Variants in RBFOX1 observed in about 807,000 individuals in gnomAD.
RBFOX1 encodes RNA binding fox-1 homolog 1.
In RBFOX1, 8 loss-of-function variants were observed where a neutral mutation model predicts 57.7. That is an observed-to-expected ratio of 0.14 (90% CI 0.08 to 0.25). RBFOX1 has a LOEUF of 0.25. Ranked by LOEUF, RBFOX1 falls within the 10% of genes least tolerant of loss-of-function variation. The pLI is 1.00. For missense variants in RBFOX1, 611 were observed against 548.5 expected (o/e 1.11, Z -1.14); for synonymous variants, 326 against 222.4 (o/e 1.47, Z -4.15).
chr16:7,430,919 T>C (rs1274656049), intron 4 of RBFOX1, among the ~76,000 whole-genome samples: 2 of 152,220 alleles, frequency 1.3e-5, no homozygotes, highest in African/African-American at 4.8e-5. Flanking sequence ...CGTAGGGATA[T>C]GCCAAAGAAT....
At chr16:5,988,338 G>C (rs548173830) in intron 4 of RBFOX1, among the ~76,000 whole-genome samples, 1 of 152,306 alleles carries the variant, frequency 6.6e-6, no homozygotes. Flanking sequence ...GCAATAAGGA[G>C]TTGGACACAG....
chr16:6,886,825 A>G (rs2064161955), intron 3 of RBFOX1, among the ~76,000 whole-genome samples: 1 of 152,084 alleles, frequency 6.6e-6, no homozygotes, highest in Non-Finnish European at 1.5e-5. Context: ...ATGTGAAGAA[A>G]CGTTTGCTTT....
intron 2 of RBFOX1, among the ~76,000 whole-genome samples, chr16:6,389,994 G>A (rs756043555): frequency 5.3e-5 from 8 of 152,100 alleles, no homozygotes; most frequent in South Asian, 4.1e-4. Flanking sequence ...TAGGAAGGCC[G>A]GGGAAACTGT....
At chr16:6,814,136 C>G (rs991382725) in intron 3 of RBFOX1, among the ~76,000 whole-genome samples, 6 of 152,094 alleles carry the variant, frequency 3.9e-5, no homozygotes, top group African/African-American at 1.2e-4. Context: ...ATTTAAAACT[C>G]CTAGAACAAC....
In RBFOX1 at chr16:6,373,810, A is replaced by C. The variant is rs558949979; in HGVS notation, c.-64+56753A>C. Among the ~76,000 whole-genome samples, 23 of 152,240 alleles carry C rather than the reference A, an allele frequency of 1.5e-4. 2 individuals are homozygous for C. Among genetic ancestry groups the C allele is most frequent in the East Asian group, 1.3e-3 (7 of 5,186 alleles). ...GTGTGGGATGTGGTCTGCATGTCTT[A>C]TTTAGCAATGTATGTCTTTTTTGTT... On this transcript the variant is annotated intron_variant, in intron 2 of 15. Transcript: ENST00000550418.
chr16:5,812,543 C>T (rs962211991), intron 3 of RBFOX1, among the ~76,000 whole-genome samples: 17 of 151,076 alleles, frequency 1.1e-4, no homozygotes, highest in African/African-American at 9.8e-5. Context: ...ACTGCAGCCT[C>T]GAACTCCTGG....
chr16:5,736,083 C>A (rs1376738474), intron 3 of RBFOX1, among the ~76,000 whole-genome samples: 1 of 152,002 alleles, frequency 6.6e-6, no homozygotes, highest in Non-Finnish European at 1.5e-5. Context: ...ACGTCCATGA[C>A]TCATTCATTT....
chr16:6,731,283 C>G (rs899879576), intron 3 of RBFOX1, among the ~76,000 whole-genome samples: 4 of 152,098 alleles, frequency 2.6e-5, no homozygotes, highest in African/African-American at 4.8e-5. Context: ...TTCTGCACAA[C>G]TAAAAAGGAC....
At chr16:7,005,945 C>T (rs1287210629) in intron 3 of RBFOX1, among the ~76,000 whole-genome samples, 1 of 152,126 alleles carries the variant, frequency 6.6e-6, no homozygotes, top group African/African-American at 2.4e-5. Context: ...CAGAGAAAAG[C>T]CCCAATTCTT....
chr16:6,938,495 A>G (rs1284075238), intron 3 of RBFOX1, among the ~76,000 whole-genome samples: 1 of 152,206 alleles, frequency 6.6e-6, no homozygotes, highest in Admixed American at 6.5e-5. Context: ...AGTCTCATCC[A>G]TAATATTAAT....
At chr16:6,777,333 C>G (rs1231242080) in intron 3 of RBFOX1, among the ~76,000 whole-genome samples, 1 of 152,030 alleles carries the variant, frequency 6.6e-6, no homozygotes, top group Non-Finnish European at 1.5e-5. Flanking sequence ...GCTCCTATAC[C>G]TAGTGGATGA....
At chr16:7,211,567 G>A (rs8051543) in intron 4 of RBFOX1, among the ~76,000 whole-genome samples, 40,693 of 151,882 alleles carry the variant, frequency 0.27, 5,738 homozygotes, top group Non-Finnish European at 0.32. Flanking sequence ...AACAAAAAAG[G>A]CCTTGAGTCT....
chr16:6,419,454 A>G (rs2093715005), intron 2 of RBFOX1, among the ~76,000 whole-genome samples: 1 of 152,244 alleles, frequency 6.6e-6, no homozygotes, highest in South Asian at 2.1e-4. Flanking sequence ...GAAGGGAGGC[A>G]GAGACAAGAC....
chr16:7,465,603 G>A (rs1222297461), intron 4 of RBFOX1, among the ~76,000 whole-genome samples: 2 of 152,200 alleles, frequency 1.3e-5, no homozygotes, highest in Non-Finnish European at 2.9e-5. Context: ...TACTTCACTA[G>A]CTTCCAAGAT....
intron 2 of RBFOX1, among the ~76,000 whole-genome samples, chr16:5,532,129 C>T (rs1417395995): frequency 6.6e-6 from 1 of 152,156 alleles, no homozygotes; most frequent in South Asian, 2.1e-4. Flanking sequence ...GGCTTCCCAA[C>T]CTCAACACTA....
At chr16:7,660,014 A>C (rs1356630282) in intron 12 of RBFOX1, among the ~76,000 whole-genome samples, 1 of 152,172 alleles carries the variant, frequency 6.6e-6, no homozygotes, top group African/African-American at 2.4e-5. Flanking sequence ...GAACACCTTA[A>C]AAAGTTTATT....
chr16:6,598,123 A>C (rs1011501732), intron 2 of RBFOX1, among the ~76,000 whole-genome samples: 3 of 152,228 alleles, frequency 2.0e-5, no homozygotes, highest in Non-Finnish European at 4.4e-5. Context: ...TACATATACC[A>C]ATGTATCCAC....
intron 3 of RBFOX1, among the ~76,000 whole-genome samples, chr16:6,741,315 G>A (rs912718914): frequency 6.6e-6 from 1 of 151,992 alleles, no homozygotes; most frequent in Non-Finnish European, 1.5e-5. Flanking sequence ...CGAACTTAGA[G>A]CTCGGTGACA....
intron 1 of RBFOX1, among the ~76,000 whole-genome samples, chr16:6,101,657 C>T (rs1031023460): frequency 2.6e-5 from 4 of 152,096 alleles, no homozygotes; most frequent in African/African-American, 9.7e-5. Context: ...CAGCGTGGCT[C>T]ATACCTGTAA....
Sources: gnomAD v4.1 joint callset for allele counts (sites outside exome capture counted in the v4.1 genomes callset) on GRCh38, gnomAD v4.1.1 for gene constraint, MANE v1.5 for transcripts, NCBI Gene and HGNC (gene_info 2026-07-23, HGNC 2026-07-21) for gene names.